The following TNIK variants were observed in gnomAD, a reference collection of about 807,000 sequenced individuals.
TNIK encodes TRAF2 and NCK interacting kinase, also known as TRAF2 and NCK-interacting protein kinase.
Under a neutral mutation model 191.3 loss-of-function variants are expected in TNIK, and 49 were observed. The ratio of observed to expected loss-of-function variants is 0.26; its 90% confidence interval spans 0.20 to 0.32. TNIK has a LOEUF of 0.32. TNIK is among the 10% of genes least tolerant of loss of function. The pLI is 1.00. For synonymous variants in TNIK, 594 were observed against 600.9 expected (o/e 0.99, Z 0.17); for missense variants, 1,155 against 1,702.3 (o/e 0.68, Z 5.66).
intron 3 of TNIK, among the ~76,000 whole-genome samples, chr3:171,213,860 T>C (rs527605941): frequency 6.6e-6 from 1 of 152,210 alleles, no homozygotes; most frequent in African/African-American, 2.4e-5. Context: ...TATAATGAGA[T>C]AAAGATATTA....
chr3:171,351,318 A>T (rs1021802817), intron 2 of TNIK, among the ~76,000 whole-genome samples: 1 of 122,236 alleles, frequency 8.2e-6, no homozygotes, highest in African/African-American at 2.7e-5. Context: ...GGAGGTGTGT[A>T]TATGTGTGTC....
intron 2 of TNIK, among the ~76,000 whole-genome samples, chr3:171,279,341 A>G (rs1750160938): frequency 6.6e-6 from 1 of 152,158 alleles, no homozygotes; most frequent in Non-Finnish European, 1.5e-5. Flanking sequence ...ATAAAATTCT[A>G]TATATTTTTA....
At chr3:171,258,512 G>A (rs1747172756) in intron 2 of TNIK, among the ~76,000 whole-genome samples, 1 of 152,104 alleles carries the variant, frequency 6.6e-6, no homozygotes, top group Non-Finnish European at 1.5e-5. Context: ...AGAAAGGAAT[G>A]CCAACAGGCT....
intron 1 of TNIK, among the ~76,000 whole-genome samples, chr3:171,379,862 A>G (rs1577700458): frequency 6.6e-6 from 1 of 152,102 alleles, no homozygotes; most frequent in Non-Finnish European, 1.5e-5. Flanking sequence ...TACAAAAATT[A>G]GCTGGGCGTG....
intron 1 of TNIK, among the ~76,000 whole-genome samples, chr3:171,403,179 T>C (rs1227329324): frequency 1.3e-5 from 2 of 152,078 alleles, no homozygotes; most frequent in Non-Finnish European, 2.9e-5. Context: ...CCAGAAGAAA[T>C]GGCCCCAACA....
intron 2 of TNIK, among the ~76,000 whole-genome samples, chr3:171,300,706 C>A (rs969725150): frequency 6.6e-6 from 1 of 152,152 alleles, no homozygotes; most frequent in African/African-American, 2.4e-5. Flanking sequence ...AAAAAGAAAT[C>A]GTCAAGTACT....
At chr3:171,338,037 C>A (rs1252515518) in intron 2 of TNIK, among the ~76,000 whole-genome samples, 1 of 152,154 alleles carries the variant, frequency 6.6e-6, no homozygotes, top group Admixed American at 6.5e-5. Flanking sequence ...AAACTACGTA[C>A]CTTTGAATCT....
At chr3:171,228,783 T>C (rs1265517823) in intron 2 of TNIK, among the ~76,000 whole-genome samples, 1 of 152,162 alleles carries the variant, frequency 6.6e-6, no homozygotes, top group African/African-American at 2.4e-5. Flanking sequence ...TTCCCCAAGG[T>C]GGGCTCTTTT....
intron 4 of TNIK, among the ~76,000 whole-genome samples, chr3:171,207,266 A>T (rs1740209005): frequency 6.6e-6 from 1 of 152,092 alleles, no homozygotes; most frequent in Non-Finnish European, 1.5e-5. Context: ...TATTTTCCAC[A>T]TGGCTGTACC....
intron 2 of TNIK, among the ~76,000 whole-genome samples, chr3:171,349,423 C>T (rs1217534145): frequency 1.3e-5 from 2 of 152,176 alleles, no homozygotes; most frequent in African/African-American, 4.8e-5. Flanking sequence ...AAGATTCCCA[C>T]AAGAATAAGA....
chr3:171,084,694 A>T (rs1209974238), intron 25 of TNIK, among the ~76,000 whole-genome samples: 1 of 152,238 alleles, frequency 6.6e-6, no homozygotes, highest in Non-Finnish European at 1.5e-5. Flanking sequence ...TACTTGAAGA[A>T]GATTAGAAAG....
At chr3:171,344,847 G>A (rs1481249296) in intron 2 of TNIK, among the ~76,000 whole-genome samples, 1 of 152,086 alleles carries the variant, frequency 6.6e-6, no homozygotes, top group African/African-American at 2.4e-5. Context: ...TTTCTGGAGT[G>A]AGAATATTTA....
chr3:171,169,977 A>G (rs564838360), intron 9 of TNIK, among the ~76,000 whole-genome samples: 14 of 152,348 alleles, frequency 9.2e-5, no homozygotes, highest in African/African-American at 3.4e-4. Context: ...GTAGTGTCTT[A>G]AGTTAGCATG....
At chr3:171,350,169 A>G (rs1712907845) in intron 2 of TNIK, among the ~76,000 whole-genome samples, 1 of 152,222 alleles carries the variant, frequency 6.6e-6, no homozygotes, top group East Asian at 1.9e-4. Flanking sequence ...CAATATTTAC[A>G]CAAAATATTG....
chr3:171,082,931 G>A (rs1022095639), intron 26 of TNIK, among the ~76,000 whole-genome samples: 17 of 152,030 alleles, frequency 1.1e-4, no homozygotes, highest in Admixed American at 9.8e-4. Context: ...TCTTTTTTAG[G>A]GAAATGATAA....
chr3:171,140,412 G>A lies in TNIK; in HGVS notation c.1319C>T (p.Ala440Val), dbSNP rs775373006. The A allele has an allele frequency of 4.2e-5, 67 of 1,598,350 alleles. 1 individual carries two copies. Among genetic ancestry groups the A allele is most frequent in the Admixed American group, 6.9e-5 (4 of 58,292 alleles). Residue 440 changes from alanine to valine, a missense_variant, in exon 13 of 33, where the codon GCG becomes GTG. Ala to Val is a moderately conservative substitution (Grantham distance 64). This residue lies in a region of TNIK where 735 missense variants were observed against 848.0 expected (regional missense o/e 0.87). Coordinates refer to ENST00000436636, the MANE Select transcript of TNIK (RefSeq NM_015028.4). ...TCCCAGCTGTACCTGTTCATGCTCCGCACGCCTCCTCTCCTCCTCCCGGCG... is the reference window on the plus strand; with the variant it reads ...TCCCAGCTGTACCTGTTCATGCTCCACACGCCTCCTCTCCTCCTCCCGGCG... ...QMRREEERRR[A>V]EHEQEYIRRQ...
rs76698948 is a variant in TNIK at position 171,368,879 on chromosome 3, A to G, written c.123+741T>C. On this transcript the variant is annotated intron_variant, in intron 2 of 32. Transcript: ENST00000436636. ...GTTGGTTTGTTTTGATGGCATTTCAATAGCTCATTCAATGAAACCCCAAAA... is the reference window on the plus strand; with the variant it reads ...GTTGGTTTGTTTTGATGGCATTTCAGTAGCTCATTCAATGAAACCCCAAAA... Among the ~76,000 whole-genome samples, 2,962 of 152,182 alleles carry G rather than the reference A, an allele frequency of 0.019. 133 individuals are homozygous for G. In the East Asian group the frequency reaches 0.2, roughly 10 times the overall value.
At chr3:171,089,989 C>G (rs995686522) in intron 23 of TNIK, among the ~76,000 whole-genome samples, 2 of 152,134 alleles carry the variant, frequency 1.3e-5, no homozygotes, top group African/African-American at 4.8e-5. Context: ...CTGATTGAAT[C>G]AGGGGTGGAT....
intron 1 of TNIK, among the ~76,000 whole-genome samples, chr3:171,424,137 G>A (rs1440542383): frequency 2.6e-5 from 4 of 151,846 alleles, no homozygotes; most frequent in African/African-American, 9.7e-5. Context: ...AAATTTACAA[G>A]AAAAAACAAA....
Sources: gnomAD v4.1 joint callset for allele counts (sites outside exome capture counted in the v4.1 genomes callset) on GRCh38, gnomAD v4.1.1 for gene constraint, gnomAD v4.1.1 regional missense constraint, MANE v1.5 for transcripts, NCBI Gene and HGNC (gene_info 2026-07-23, HGNC 2026-07-21) for gene names.